ADORA2B: variants seen among roughly 807,000 people sequenced by gnomAD.
ADORA2B encodes the protein adenosine receptor A2b.
A neutral mutation model predicts 20.8 loss-of-function variants in ADORA2B; 18 were observed. The ratio of observed to expected loss-of-function variants is 0.87; its 90% confidence interval spans 0.60 to 1.29. ADORA2B has a LOEUF of 1.29. ADORA2B is among the 50% of genes most tolerant of loss of function. ADORA2B has a pLI of 0.00. For synonymous variants in ADORA2B, 179 were observed against 178.3 expected, an observed-to-expected ratio of 1.00 and a Z score of -0.03; for missense variants, 441 against 422.7, an observed-to-expected ratio of 1.04 and a Z score of -0.38.
At chr17:15,874,056 A>ATG in the ADORA2B span, among the ~76,000 whole-genome samples, 27 of 82,340 alleles carry the variant, frequency 3.3e-4, no homozygotes, top group East Asian at 5.1e-3. Flanking sequence ...ATATATATAT[A>ATG]TATGTGTGTG....
intron 1 of ADORA2B, among the ~76,000 whole-genome samples, chr17:15,972,154 T>C (rs1375035893): frequency 6.6e-6 from 1 of 152,062 alleles, no homozygotes; most frequent in Non-Finnish European, 1.5e-5. Context: ...AAGTGACCTT[T>C]TAAGAGCAAC....
the ADORA2B span, among the ~76,000 whole-genome samples, chr17:15,935,521 C>G: frequency 2.6e-5 from 4 of 152,092 alleles, no homozygotes; most frequent in African/African-American, 9.7e-5. Flanking sequence ...TGCAGTGTGT[C>G]TAGGTGTAGA....
At chr17:15,971,797 T>G (rs959104511) in intron 1 of ADORA2B, among the ~76,000 whole-genome samples, 2 of 152,062 alleles carry the variant, frequency 1.3e-5, no homozygotes, top group Non-Finnish European at 2.9e-5. Flanking sequence ...CATGCCTAGC[T>G]AATTTTCGTA....
the ADORA2B span, among the ~76,000 whole-genome samples, chr17:15,910,705 T>C: frequency 6.6e-6 from 1 of 152,170 alleles, no homozygotes; most frequent in African/African-American, 2.4e-5. Flanking sequence ...GTTCTTCCAG[T>C]GTGGCCCAGG....
intron 1 of ADORA2B, among the ~76,000 whole-genome samples, chr17:15,956,997 T>A (rs1969974614): frequency 6.6e-6 from 1 of 152,156 alleles, no homozygotes; most frequent in African/African-American, 2.4e-5. Flanking sequence ...GAGTTTGATA[T>A]GGTCAGGTTT....
At chr17:15,860,467 T>G in the ADORA2B span, among the ~76,000 whole-genome samples, 1 of 152,172 alleles carries the variant, frequency 6.6e-6, no homozygotes, top group Non-Finnish European at 1.5e-5. Flanking sequence ...CCTGCCACTC[T>G]GTCTCTCTCT....
the ADORA2B span, among the ~76,000 whole-genome samples, chr17:15,909,261 T>C: frequency 2.6e-5 from 4 of 151,918 alleles, no homozygotes; most frequent in African/African-American, 9.7e-5. Flanking sequence ...CTTTCTCTTA[T>C]CCAAAAAACA....
chr17:15,877,161 C>T, the ADORA2B span, among the ~76,000 whole-genome samples: 1 of 151,982 alleles, frequency 6.6e-6, no homozygotes, highest in East Asian at 1.9e-4. Context: ...TTTTTGTTCC[C>T]TCAGTTTTTT....
chr17:15,913,184 G>C, the ADORA2B span, among the ~76,000 whole-genome samples: 1 of 152,252 alleles, frequency 6.6e-6, no homozygotes, highest in Non-Finnish European at 1.5e-5. Context: ...CCCTGAGCCA[G>C]AAGGGCTTGG....
rs531746666 is a variant in ADORA2B at position 15,964,388 on chromosome 17, CCA to C, written c.336-10290_336-10289del. 2.7e-3 allele frequency among the ~76,000 whole-genome samples: 405 copies of C among 149,892 alleles called. 4 individuals carry two copies. Among genetic ancestry groups the C allele is most frequent in the African/African-American group, 9.2e-3 (370 of 40,204 alleles). On this transcript the variant is annotated intron_variant, in intron 1 of 1. Coordinates refer to ENST00000304222, the MANE Select transcript of ADORA2B (RefSeq NM_000676.4). ...TTGGGAGGCCAAGATTGGCGGATCACCAGAGGTCAGGAGTTCGAGACCAGCCT... is the reference window on the plus strand; with the variant it reads ...TTGGGAGGCCAAGATTGGCGGATCACGAGGTCAGGAGTTCGAGACCAGCCT...
At chr17:15,920,461 G>A in the ADORA2B span, among the ~76,000 whole-genome samples, 11 of 152,158 alleles carry the variant, frequency 7.2e-5, no homozygotes, top group African/African-American at 1.9e-4. Flanking sequence ...AGTGGCTCAC[G>A]CCTGTAATCC....
chr17:15,936,301 GTTTA>G, the ADORA2B span, among the ~76,000 whole-genome samples: 2 of 151,596 alleles, frequency 1.3e-5, no homozygotes, highest in Non-Finnish European at 2.9e-5. Context: ...ACAGATTCCT[GTTTA>G]TTTATTTATT....
At chr17:15,959,491 CTGATT>C (rs1970009005) in intron 1 of ADORA2B, among the ~76,000 whole-genome samples, 1 of 132,352 alleles carries the variant, frequency 7.6e-6, no homozygotes, top group East Asian at 2.3e-4. Flanking sequence ...TGATCACATT[CTGATT>C]TTTTTTTTTT....
chr17:15,875,124 G>GT, the ADORA2B span, among the ~76,000 whole-genome samples: 1 of 152,060 alleles, frequency 6.6e-6, no homozygotes, highest in Non-Finnish European at 1.5e-5. Flanking sequence ...ATTTGTAACA[G>GT]TTTTTTGTTT....
At chr17:15,852,483 A>T in the ADORA2B span, among the ~76,000 whole-genome samples, 1 of 152,208 alleles carries the variant, frequency 6.6e-6, no homozygotes, top group Non-Finnish European at 1.5e-5. Context: ...ATATGGTGTC[A>T]TAGTCAATTT....
chr17:15,868,664 C>T, the ADORA2B span, among the ~76,000 whole-genome samples: 4 of 132,552 alleles, frequency 3.0e-5, no homozygotes, highest in Non-Finnish European at 3.3e-5. Flanking sequence ...CCTGTAGTCC[C>T]GGCTGCTTGG....
intron 1 of ADORA2B, among the ~76,000 whole-genome samples, chr17:15,971,979 G>A (rs554824693): frequency 1.3e-5 from 2 of 152,196 alleles, no homozygotes; most frequent in Admixed American, 1.3e-4. Flanking sequence ...AACTGTGCTA[G>A]GTCTTCGGGA....
At chr17:15,944,126 C>T (rs1261319710), upstream of ADORA2B, among the ~76,000 whole-genome samples, 1 of 152,108 alleles carries the variant, frequency 6.6e-6, no homozygotes, top group East Asian at 1.9e-4. This position sits in a 1 kb window ranked among gnomAD's most constrained non-coding sequence, Gnocchi z 4.8. Context: ...CTCAGGGTGT[C>T]AGCAAACTTC....
At chr17:15,904,655 C>T in the ADORA2B span, among the ~76,000 whole-genome samples, 1 of 152,122 alleles carries the variant, frequency 6.6e-6, no homozygotes, top group Admixed American at 6.5e-5. Flanking sequence ...GGATTACAGG[C>T]GTGAGCCACC....
Sources: gnomAD v4.1 joint callset for allele counts (sites outside exome capture counted in the v4.1 genomes callset) on GRCh38, gnomAD v4.1.1 for gene constraint, Gnocchi (gnomAD v3.1) non-coding constraint, MANE v1.5 for transcripts, NCBI Gene and HGNC (gene_info 2026-07-23, HGNC 2026-07-21) for gene names.